The following FRYL variants were observed in gnomAD, a reference collection of about 807,000 sequenced individuals.
The protein encoded by FRYL is protein furry homolog-like.
A neutral mutation model predicts 351.2 loss-of-function variants in FRYL; 150 were observed. The ratio of observed to expected loss-of-function variants is 0.43; its 90% CI spans 0.37 to 0.49. The LOEUF (loss-of-function observed/expected upper bound fraction) is 0.49, where lower values mean the gene tolerates loss of function less well. Ranked by LOEUF, FRYL falls within the 20% of genes least tolerant of loss-of-function variation. The pLI, the probability that FRYL is intolerant of heterozygous loss-of-function variation, is 0.00. For missense variants in FRYL, 3,036 were observed against 3,619.3 expected (o/e 0.84, Z 4.13); for synonymous variants, 1,153 against 1,257.1 (o/e 0.92, Z 1.75).
At chr4:48,535,849 T>A in intron 47 of FRYL, 22 bp from the exon 48 acceptor site, 1 of 1,464,376 alleles carries the variant, frequency 6.8e-7, no homozygotes, top group East Asian at 2.4e-5. Flanking sequence ...ATAAAATTAT[T>A]TCATTCACCT....
intron 50 of FRYL, 147 bp from the exon 51 acceptor site, chr4:48,528,483 A>C: frequency 2.1e-6 from 1 of 470,300 alleles, no homozygotes; most frequent in East Asian, 3.2e-5. Flanking sequence ...GATGTTAACA[A>C]AGATCAAAGG....
chr4:48,508,272 G>C (rs1434922332), intron 59 of FRYL, among the ~76,000 whole-genome samples: 1 of 152,178 alleles, frequency 6.6e-6, no homozygotes, highest in Non-Finnish European at 1.5e-5. Context: ...TTTAGAATCA[G>C]CTTGTCAATT....
intron 1 of FRYL, among the ~76,000 whole-genome samples, chr4:48,714,223 A>G (rs1293385676): frequency 6.6e-6 from 1 of 152,004 alleles, no homozygotes; most frequent in East Asian, 1.9e-4. Context: ...TAGAAAAGCA[A>G]GAGCAAACAC....
chr4:48,758,140 A>C (rs1243267326), intron 1 of FRYL, among the ~76,000 whole-genome samples: 2 of 152,360 alleles, frequency 1.3e-5, no homozygotes, highest in East Asian at 3.9e-4. Flanking sequence ...CCCTAGAAGA[A>C]AACCTAGGCA....
chr4:48,581,668 G>T, intron 20 of FRYL, 63 bp from the exon 21 acceptor site: 2 of 1,373,532 alleles, frequency 1.5e-6, no homozygotes, highest in Non-Finnish European at 9.9e-7. Context: ...CCGAAAAACA[G>T]TTAATAAAAA....
intron 15 of FRYL, among the ~76,000 whole-genome samples, chr4:48,594,238 G>A (rs1007211896): frequency 6.6e-6 from 1 of 152,088 alleles, no homozygotes; most frequent in African/African-American, 2.4e-5. Flanking sequence ...ACAGAATAAA[G>A]TTTTAAACAT....
chr4:48,750,917 G>T (rs1374181578), intron 1 of FRYL, among the ~76,000 whole-genome samples: 1 of 152,138 alleles, frequency 6.6e-6, no homozygotes, highest in Non-Finnish European at 1.5e-5. Flanking sequence ...CAGACTCCCA[G>T]CAGACTTCCC....
intron 2 of FRYL, among the ~76,000 whole-genome samples, chr4:48,703,868 TTGAATAAATAA>T (rs1428681486): frequency 4.6e-5 from 7 of 152,312 alleles, no homozygotes; most frequent in African/African-American, 1.7e-4. Context: ...CAAATACTTG[TTGAATAAATAA>T]TGAATAAATA....
chr4:48,761,007 C>CG lies in FRYL; in HGVS notation c.-384+19070_-384+19071insC, dbSNP rs1774358932. 5.2e-5 allele frequency among the ~76,000 whole-genome samples: 7 copies of CG among 134,434 alleles called. No individual in the cohort carries two copies. The East Asian group carries it at 1.5e-3, about 29-fold the overall frequency. The allele number at this position is 134,434 out of a possible 152,430, so 88.2% of individuals were successfully genotyped here. A position where few individuals can be genotyped will look rare whatever the true frequency, so the allele number is the denominator to read the frequency against. On this transcript the variant is annotated intron_variant, in intron 1 of 63. Coordinates refer to ENST00000358350, the MANE Select transcript of FRYL (RefSeq NM_015030.2). ...TCGCTACTCTCTATTATTACTCTGT[C>CG]TGTGTGTGTGTGTGTGTGTGTGTGT...
rs1248238630 is a variant in FRYL at position 48,567,229 on chromosome 4, A to G, written c.3169+19T>C. 5.7e-6 allele frequency: 9 copies of G among 1,592,040 alleles called. No homozygotes were observed. In the South Asian group the frequency reaches 1.0e-4, roughly 19 times the overall value. On this transcript the variant is annotated intron_variant, in intron 28 of 63. Transcript: ENST00000358350. This position sits in a 1 kb window ranked among gnomAD's most constrained non-coding sequence, Gnocchi z 4.2. ...GTTCCTTAATACTCAATAATGCTTTAAGAAACTGAAAATAATACCTGGAAC... is the reference window on the plus strand; with the variant it reads ...GTTCCTTAATACTCAATAATGCTTTGAGAAACTGAAAATAATACCTGGAAC...
At chr4:48,652,980 T>G (rs1172974599) in intron 3 of FRYL, among the ~76,000 whole-genome samples, 1 of 152,178 alleles carries the variant, frequency 6.6e-6, no homozygotes, top group Non-Finnish European at 1.5e-5. Flanking sequence ...TTCATGAGTT[T>G]GATATTGTAT....
At chr4:48,531,918 G>GA (rs1727739753) in intron 49 of FRYL, among the ~76,000 whole-genome samples, 1 of 150,616 alleles carries the variant, frequency 6.6e-6, no homozygotes, top group Admixed American at 6.6e-5. Context: ...GTAGGGTGAG[G>GA]TTTTTTTTTC....
At chr4:48,704,902 T>C (rs1283129025) in intron 2 of FRYL, among the ~76,000 whole-genome samples, 7 of 150,712 alleles carry the variant, frequency 4.6e-5, no homozygotes, top group South Asian at 2.1e-4. Flanking sequence ...TAAGCCGAGA[T>C]TGAGCCACTG....
chr4:48,517,617 T>C (rs1560524215), intron 55 of FRYL, among the ~76,000 whole-genome samples: 1 of 152,158 alleles, frequency 6.6e-6, no homozygotes, highest in Non-Finnish European at 1.5e-5. Context: ...CAAGCTATCA[T>C]AAATAATAAA....
chr4:48,671,812 C>T (rs1762728910), intron 3 of FRYL, among the ~76,000 whole-genome samples: 2 of 136,454 alleles, frequency 1.5e-5, no homozygotes, highest in South Asian at 4.6e-4. Flanking sequence ...AAGATCACGC[C>T]ACTGCACTCC....
chr4:48,539,036 A>G (rs1028455207), intron 47 of FRYL, among the ~76,000 whole-genome samples: 3 of 152,196 alleles, frequency 2.0e-5, no homozygotes, highest in Non-Finnish European at 2.9e-5. Flanking sequence ...GAGCTATAAC[A>G]CTTTTAAACA....
At chr4:48,704,709 G>A (rs947157160) in intron 2 of FRYL, among the ~76,000 whole-genome samples, 1 of 152,096 alleles carries the variant, frequency 6.6e-6, no homozygotes, top group Non-Finnish European at 1.5e-5. Context: ...AGCACTTTGG[G>A]AGGCTGAGGC....
intron 35 of FRYL, among the ~76,000 whole-genome samples, chr4:48,555,677 C>G (rs991886376): frequency 5.3e-5 from 8 of 152,174 alleles, no homozygotes; most frequent in African/African-American, 9.7e-5. Flanking sequence ...GAGCACCAGA[C>G]AGAATATAGG....
intron 60 of FRYL, among the ~76,000 whole-genome samples, chr4:48,505,196 G>A (rs1433043555): frequency 6.6e-6 from 1 of 151,966 alleles, no homozygotes; most frequent in Non-Finnish European, 1.5e-5. Context: ...TTGCTTTCTT[G>A]ACCAATTTAT....
Sources: gnomAD v4.1 joint callset for allele counts (sites outside exome capture counted in the v4.1 genomes callset) on GRCh38, gnomAD v4.1.1 for gene constraint, Gnocchi (gnomAD v3.1) non-coding constraint, MANE v1.5 for transcripts, NCBI Gene and HGNC (gene_info 2026-07-23, HGNC 2026-07-21) for gene names.